ORC4: variants seen among roughly 807,000 people sequenced by gnomAD.
The protein encoded by ORC4 is origin recognition complex, subunit 4 homolog.
Under a neutral mutation model 63.9 loss-of-function variants are expected in ORC4, and 55 were observed. The ratio of observed to expected loss-of-function variants is 0.86; its 90% CI spans 0.69 to 1.08. The LOEUF (loss-of-function observed/expected upper bound fraction) is 1.08, where lower values mean the gene tolerates loss of function less well. Among genes scored for constraint, ORC4 ranks in the 50% least tolerant of loss-of-function variants. The pLI is 0.00. For synonymous variants in ORC4, 150 were observed against 168.5 expected, an observed-to-expected ratio of 0.89 and a Z score of 0.85; for missense variants, 511 against 504.4, an observed-to-expected ratio of 1.01 and a Z score of -0.13.
At chr2:147,998,328 C>A (rs1414148229) in intron 1 of ORC4, among the ~76,000 whole-genome samples, 21 of 152,094 alleles carry the variant, frequency 1.4e-4, no homozygotes, top group Admixed American at 1.4e-3. Context: ...AAATTTGAAC[C>A]CCAGCGTGGC....
intron 8 of ORC4, among the ~76,000 whole-genome samples, chr2:147,949,002 ATATAT>A (rs1688805665): frequency 6.8e-6 from 1 of 147,852 alleles, no homozygotes. Context: ...ACAGCATATT[ATATAT>A]AATATATATA....
At chr2:147,957,253 A>G (rs897753587) in intron 6 of ORC4, among the ~76,000 whole-genome samples, 1 of 147,410 alleles carries the variant, frequency 6.8e-6, no homozygotes, top group African/African-American at 2.5e-5. Flanking sequence ...TAATAATTTT[A>G]TAGAGTATAT....
rs1285256723 is a variant in ORC4, at chr2:147,932,005, G to A, written c.*3505C>T. The A allele has an allele frequency of 1.3e-5, 2 of 152,048 alleles. No individual in the cohort carries two copies. Among genetic ancestry groups the A allele is most frequent in the African/African-American group, 2.4e-5 (1 of 41,378 alleles). 9.4% of individuals were successfully genotyped at this position (152,048 alleles called of 1,614,324 possible). On this transcript the variant is annotated 3_prime_UTR_variant, in exon 14 of 14. Transcript: ENST00000392857. ...TAAAGGGTATTCAATTAGGAAAAGA[G>A]GAAGTCAAATTGTCCGTTTGCAGAC... is the stretch of plus-strand genomic sequence containing the variant.
chr2:148,000,893 G>C (rs1317782051), intron 1 of ORC4, among the ~76,000 whole-genome samples: 1 of 151,916 alleles, frequency 6.6e-6, no homozygotes, highest in Non-Finnish European at 1.5e-5. Context: ...GGATGTTTGT[G>C]GAAAAAGGCT....
upstream of ORC4, chr2:148,021,511 C>A: frequency 1.7e-6 from 1 of 576,700 alleles, no homozygotes. Flanking sequence ...GCTGCTGCTG[C>A]TACTGCTGCT....
chr2:147,995,932 A>G (rs9789640), intron 1 of ORC4, among the ~76,000 whole-genome samples: 49,838 of 151,286 alleles, frequency 0.33, 8,457 homozygotes, highest in East Asian at 0.53. Flanking sequence ...CCCAGGAGGC[A>G]GAGGTTGCAG....
At chr2:147,988,902 A>G (rs1691393995) in intron 1 of ORC4, among the ~76,000 whole-genome samples, 1 of 152,220 alleles carries the variant, frequency 6.6e-6, no homozygotes, top group Non-Finnish European at 1.5e-5. Flanking sequence ...TGTTTCCAAC[A>G]CTGATTTTAT....
intron 1 of ORC4, among the ~76,000 whole-genome samples, chr2:148,010,494 G>T (rs575949389): frequency 6.6e-6 from 1 of 152,014 alleles, no homozygotes; most frequent in South Asian, 2.1e-4. Flanking sequence ...AATAAAATCA[G>T]AGACAAAAAA....
chr2:148,016,639 A>C (rs1039024918), intron 1 of ORC4, among the ~76,000 whole-genome samples: 2 of 152,234 alleles, frequency 1.3e-5, no homozygotes, highest in Non-Finnish European at 1.5e-5. Flanking sequence ...AACCAGCAGG[A>C]TGCAGGAAAA....
Position 147,943,501 on chromosome 2 carries a change from C to T in ORC4, c.784G>A (p.Val262Met), listed in dbSNP as rs1688486599. The T allele has an allele frequency of 6.6e-7, 1 of 1,504,990 alleles. No homozygotes were observed. The highest frequency in any genetic ancestry group is 9.2e-7 in the Non-Finnish European group (1 of 1,084,352). 93.2% of individuals were successfully genotyped at this position (1,504,990 alleles called of 1,614,324 possible). A position where few individuals can be genotyped will look rare whatever the true frequency, so the allele number is the denominator to read the frequency against. ...AAATGCTTCTGTAGTACTTCTTGCA[C>T]ACTTCTATCTTCTGAGAGATACTAA... The part of the protein sequence containing the change: ...NVQYLSEDRS[V>M]QEVLQKHFNI... Residue 262 changes from valine (V) to methionine (M), a missense_variant, in exon 10 of 14, where the codon GTG (valine) becomes ATG (methionine). Val to Met is a conservative substitution (Grantham distance 21). Transcript: ENST00000392857.
intron 6 of ORC4, among the ~76,000 whole-genome samples, chr2:147,957,292 GATT>G (rs1689318030): frequency 6.7e-6 from 1 of 148,574 alleles, no homozygotes; most frequent in African/African-American, 2.5e-5. Flanking sequence ...TTTATAGATT[GATT>G]ATTAAAGAAA....
intron 4 of ORC4, among the ~76,000 whole-genome samples, chr2:147,966,055 G>C (rs1314374291): frequency 3.3e-5 from 5 of 151,922 alleles, no homozygotes; most frequent in Admixed American, 6.6e-5. Context: ...TTTTTAAAAA[G>C]TAATAATAAT....
At chr2:147,946,050 G>A (rs960873557) in intron 9 of ORC4, among the ~76,000 whole-genome samples, 2 of 152,058 alleles carry the variant, frequency 1.3e-5, no homozygotes, top group Non-Finnish European at 2.9e-5. Context: ...CTCACATGCA[G>A]GGGATTTAAG....
intron 11 of ORC4, chr2:147,938,705 T>A (rs753869979): frequency 2.8e-6 from 1 of 354,302 alleles, no homozygotes; most frequent in Non-Finnish European, 5.2e-6. Context: ...AATTGTTATG[T>A]GACTTTAAAT....
In ORC4 at chr2:147,931,251, T is replaced by TATCA. The variant is rs1321459298; in HGVS notation, c.*4255_*4258dup. On this transcript the variant is annotated 3_prime_UTR_variant, in exon 14 of 14. Coordinates refer to ENST00000392857, the MANE Select transcript of ORC4 (RefSeq NM_181741.4). ...TGTGCCACGTTTTCTTAATCCAGTCTATCATTGTTGGACATTTGGGTTGGT... is the reference window on the plus strand; with the variant it reads ...TGTGCCACGTTTTCTTAATCCAGTCTATCAATCATTGTTGGACATTTGGGTTGGT... The TATCA allele has an allele frequency of 6.6e-6, 1 of 151,712 alleles. No individual in the cohort carries two copies. Among genetic ancestry groups the TATCA allele is most frequent in the African/African-American group, 2.4e-5 (1 of 41,260 alleles). The allele number at this position is 151,712 out of a possible 1,614,324, so 9.4% of individuals were successfully genotyped here.
intron 1 of ORC4, among the ~76,000 whole-genome samples, chr2:147,998,868 C>T (rs1453230548): frequency 6.6e-6 from 1 of 151,884 alleles, no homozygotes; most frequent in Non-Finnish European, 1.5e-5. Flanking sequence ...AGGTAGCAAC[C>T]CCAAAGCATG....
intron 1 of ORC4, among the ~76,000 whole-genome samples, chr2:147,978,445 C>CTG (rs1348095651): frequency 6.6e-6 from 1 of 152,200 alleles, no homozygotes; most frequent in Non-Finnish European, 1.5e-5. Context: ...GTGGCAGGAG[C>CTG]TGAGCTTCAG....
chr2:147,986,255 A>C (rs1161772341), intron 1 of ORC4, among the ~76,000 whole-genome samples: 1 of 152,194 alleles, frequency 6.6e-6, no homozygotes, highest in African/African-American at 2.4e-5. Flanking sequence ...ACAAAACAAA[A>C]AACTGTTAAA....
intron 4 of ORC4, among the ~76,000 whole-genome samples, chr2:147,971,451 A>G (rs1263930824): frequency 6.6e-6 from 1 of 151,880 alleles, no homozygotes; most frequent in Non-Finnish European, 1.5e-5. Context: ...CAAATTAAAA[A>G]TGGGCATAAG....
Sources: allele counts gnomAD v4.1 joint callset (sites outside exome capture counted in the v4.1 genomes callset), GRCh38; gene constraint gnomAD v4.1.1; transcripts MANE v1.5; gene names NCBI Gene and HGNC (gene_info 2026-07-23, HGNC 2026-07-21).